Variants in TAF2 observed in about 807,000 individuals in gnomAD.
TAF2 encodes the protein transcription initiation factor TFIID subunit 2.
In TAF2, 61 loss-of-function variants were observed where a neutral mutation model predicts 138.5. The observed-to-expected ratio is 0.44, with a 90% CI of 0.36 to 0.54. The LOEUF (loss-of-function observed/expected upper bound fraction) is 0.54, where lower values mean the gene tolerates loss of function less well. TAF2 is among the 20% of genes least tolerant of loss of function. The probability of loss-of-function intolerance (pLI) is 0.00; values close to 1 mark genes in which losing one functional copy is unlikely to be tolerated. For synonymous variants in TAF2, 475 were observed against 469.9 expected, an observed-to-expected ratio of 1.01 and a Z score of -0.14; for missense variants, 1,090 against 1,427.9, an observed-to-expected ratio of 0.76 and a Z score of 3.81.
At chr8:119,827,338 A>G (rs1375503882) in intron 2 of TAF2, among the ~76,000 whole-genome samples, 1 of 152,202 alleles carries the variant, frequency 6.6e-6, no homozygotes, top group African/African-American at 2.4e-5. Context: ...CTGTATATCA[A>G]AGGCTCCCAA....
chr8:119,832,336 C>A, intron 1 of TAF2, 146 bp downstream of exon 1: 1 of 727,022 alleles, frequency 1.4e-6, no homozygotes, highest in South Asian at 1.7e-5. Flanking sequence ...ACATTTTTAC[C>A]TTACAAACAC....
intron 3 of TAF2, among the ~76,000 whole-genome samples, chr8:119,808,639 T>C (rs1403492083): frequency 6.6e-6 from 1 of 152,226 alleles, no homozygotes; most frequent in African/African-American, 2.4e-5. Context: ...ATTTCTTAAA[T>C]AATAAGACTT....
intron 18 of TAF2, among the ~76,000 whole-genome samples, chr8:119,764,955 A>T (rs915480438): frequency 2.0e-5 from 3 of 152,084 alleles, no homozygotes; most frequent in African/African-American, 7.2e-5. Flanking sequence ...ATTTTTTATT[A>T]AAAAAATACG....
intron 2 of TAF2, among the ~76,000 whole-genome samples, chr8:119,823,645 T>C (rs1344558296): frequency 2.0e-5 from 3 of 152,012 alleles, no homozygotes; most frequent in Non-Finnish European, 2.9e-5. Flanking sequence ...AGCATGAAAA[T>C]GAACTAATAC....
At chr8:119,804,746 T>C (rs1460658234) in intron 4 of TAF2, among the ~76,000 whole-genome samples, 1 of 152,192 alleles carries the variant, frequency 6.6e-6, no homozygotes, top group Non-Finnish European at 1.5e-5. Context: ...CTAATACACT[T>C]ACTTTTCAAG....
intron 3 of TAF2, among the ~76,000 whole-genome samples, chr8:119,815,873 C>T (rs1240130206): frequency 9.2e-5 from 14 of 152,102 alleles, no homozygotes; most frequent in Non-Finnish European, 2.1e-4. Context: ...AAGACAGCTG[C>T]TTATACACGT....
chr8:119,806,521 G>A, intron 3 of TAF2, 120 bp from the exon 4 acceptor site: 1 of 767,542 alleles, frequency 1.3e-6, no homozygotes, highest in Non-Finnish European at 2.1e-6. Context: ...CCAGGCCAGA[G>A]GTCAGTGGCA....
At chr8:119,801,277 T>C (rs988334086) in intron 6 of TAF2, among the ~76,000 whole-genome samples, 23 of 152,168 alleles carry the variant, frequency 1.5e-4, no homozygotes, top group Non-Finnish European at 2.5e-4. Context: ...TAAGACTCTG[T>C]TGGAAAATAA....
At chr8:119,812,973 A>G (rs1434034057) in intron 3 of TAF2, among the ~76,000 whole-genome samples, 1 of 152,178 alleles carries the variant, frequency 6.6e-6, no homozygotes, top group Non-Finnish European at 1.5e-5. Flanking sequence ...GCCAGTAGTG[A>G]GAACGCCAGA....
rs990522348 is a variant in TAF2, at chr8:119,786,613, C to T, written c.1794-1347G>A. 1.1e-4 allele frequency among the ~76,000 whole-genome samples: 16 copies of T among 152,246 alleles called. No individual in the cohort carries two copies. In the East Asian group the frequency reaches 2.7e-3, roughly 26 times the overall value. The stretch of plus-strand genomic sequence containing the variant: ...AAAAAAAGATACCTGATAACATGTT[C>T]TCTACCTAAAAAATTAGGTATACAT... On this transcript the variant is annotated intron_variant, in intron 14 of 25. Coordinates refer to ENST00000378164, the MANE Select transcript of TAF2 (RefSeq NM_003184.4).
At chr8:119,753,997 T>C (rs980589773) in intron 22 of TAF2, among the ~76,000 whole-genome samples, 3 of 152,028 alleles carry the variant, frequency 2.0e-5, no homozygotes, top group Admixed American at 6.6e-5. Context: ...GAAGCAAATA[T>C]AAAACATTAT....
At chr8:119,803,631 G>C (rs1586485455) in intron 5 of TAF2, among the ~76,000 whole-genome samples, 1 of 151,590 alleles carries the variant, frequency 6.6e-6, no homozygotes, top group South Asian at 2.1e-4. Context: ...GGCACAGGTT[G>C]CAGTGAGCAG....
chr8:119,738,773 G>A (rs900572932), intron 25 of TAF2, among the ~76,000 whole-genome samples: 2 of 152,086 alleles, frequency 1.3e-5, no homozygotes, highest in African/African-American at 2.4e-5. Flanking sequence ...ATAAGAAACT[G>A]TGAATAACCT....
intron 3 of TAF2, among the ~76,000 whole-genome samples, chr8:119,811,368 TA>T (rs1034931328): frequency 3.9e-5 from 6 of 152,216 alleles, no homozygotes; most frequent in African/African-American, 1.4e-4. Context: ...AAATTTTTTA[TA>T]GAAGTAAACT....
intron 3 of TAF2, among the ~76,000 whole-genome samples, chr8:119,811,805 CAAAAAAA>C (rs771523182): frequency 1.7e-5 from 1 of 60,350 alleles, no homozygotes; most frequent in Non-Finnish European, 3.2e-5. Context: ...GACTCCGTCT[CAAAAAAA>C]AAAAAAAAAA....
intron 14 of TAF2, among the ~76,000 whole-genome samples, chr8:119,787,606 T>C (rs1823113732): frequency 6.6e-6 from 1 of 152,156 alleles, no homozygotes; most frequent in Non-Finnish European, 1.5e-5. Context: ...CTGGAGAGGA[T>C]GTGGAGAAAT....
At chr8:119,743,364 GA>G (rs1268663506) in intron 24 of TAF2, among the ~76,000 whole-genome samples, 2 of 148,832 alleles carry the variant, frequency 1.3e-5, no homozygotes, top group Admixed American at 6.7e-5. Context: ...GCAACAGAAT[GA>G]AATTAAAAAA....
rs1819808723 is a variant in TAF2 at position 119,744,405 on chromosome 8, A to T, written c.3109-12T>A. On this transcript the variant is annotated splice_polypyrimidine_tract_variant and intron_variant, in intron 23 of 25. Coordinates refer to ENST00000378164, the MANE Select transcript of TAF2 (RefSeq NM_003184.4). Reference sequence around the variant, plus strand: ...TGAGAACTGGAAAACTAAAACACACACACATAAAACAGAGGATAAAAGAAC... The same window carrying T: ...TGAGAACTGGAAAACTAAAACACACTCACATAAAACAGAGGATAAAAGAAC... 2 of 1,602,034 alleles carry T rather than the reference A, an allele frequency of 1.2e-6. No homozygotes were observed. Among genetic ancestry groups the T allele is most frequent in the Non-Finnish European group, 1.7e-6 (2 of 1,170,234 alleles).
intron 22 of TAF2, among the ~76,000 whole-genome samples, chr8:119,748,093 G>A (rs1167698052): frequency 7.3e-5 from 11 of 151,326 alleles, no homozygotes; most frequent in Middle Eastern, 3.4e-3. Flanking sequence ...CACTGCACTC[G>A]AACCTGGGCA....
Sources: allele counts gnomAD v4.1 joint callset (sites outside exome capture counted in the v4.1 genomes callset), GRCh38; gene constraint gnomAD v4.1.1; transcripts MANE v1.5; gene names NCBI Gene and HGNC (gene_info 2026-07-23, HGNC 2026-07-21).